The following SPAG16 variants were observed in gnomAD, a reference collection of about 807,000 sequenced individuals.
The protein encoded by SPAG16 is sperm-associated antigen 16 protein.
SPAG16 carries 86 observed loss-of-function variants against 80.4 expected under a neutral mutation model. That is an observed-to-expected ratio of 1.07 (90% CI 0.90 to 1.28). The LOEUF (loss-of-function observed/expected upper bound fraction) is 1.28, where lower values mean the gene tolerates loss of function less well. Ranked by LOEUF, SPAG16 falls within the 50% of genes most tolerant of loss-of-function variation. The probability of loss-of-function intolerance (pLI) is 0.00; values close to 1 mark genes in which losing one functional copy is unlikely to be tolerated. For missense variants in SPAG16, 870 were observed against 765.3 expected, an observed-to-expected ratio of 1.14 and a Z score of -1.61; for synonymous variants, 294 against 265.9, an observed-to-expected ratio of 1.11 and a Z score of -1.03.
chr2:213,523,585 G>A (rs1166548862), intron 10 of SPAG16, among the ~76,000 whole-genome samples: 1 of 152,144 alleles, frequency 6.6e-6, no homozygotes, highest in African/African-American at 2.4e-5. Flanking sequence ...GACTTGGAGG[G>A]CTTAGAAAAC....
At chr2:214,369,868 A>G (rs1028044368) in intron 15 of SPAG16, among the ~76,000 whole-genome samples, 1 of 152,104 alleles carries the variant, frequency 6.6e-6, no homozygotes, top group African/African-American at 2.4e-5. Context: ...TCTGGCATTA[A>G]TAATCTCTCA....
intron 10 of SPAG16, among the ~76,000 whole-genome samples, chr2:213,521,739 GAGTTCACAAT>G: frequency 6.6e-6 from 1 of 152,294 alleles, no homozygotes; most frequent in South Asian, 2.1e-4. Context: ...GTGGTCTGAA[GAGTTCACAAT>G]AGTCATGTTT....
At chr2:213,426,203 T>C (rs1461851113) in intron 9 of SPAG16, among the ~76,000 whole-genome samples, 1 of 152,198 alleles carries the variant, frequency 6.6e-6, no homozygotes, top group East Asian at 1.9e-4. Flanking sequence ...TCTTGTCTTG[T>C]ACATTGCAAA....
intron 10 of SPAG16, among the ~76,000 whole-genome samples, chr2:213,805,748 A>G (rs956034913): frequency 2.6e-5 from 4 of 152,214 alleles, no homozygotes; most frequent in African/African-American, 9.6e-5. Flanking sequence ...AATTTCTTAA[A>G]GAGAAGATCC....
At chr2:214,198,914 C>T (rs2057927689) in intron 15 of SPAG16, among the ~76,000 whole-genome samples, 1 of 151,792 alleles carries the variant, frequency 6.6e-6, no homozygotes, top group African/African-American at 2.4e-5. Flanking sequence ...TTTGAGAACT[C>T]TCTATTCATG....
In SPAG16 at chr2:213,402,654, C is replaced by T. The variant is rs1292415350; in HGVS notation, c.942+27535C>T. ...ATGTGTTCTCATTGTTCAATTCCCA[C>T]TTATGAGTGAGAACATGCGGTGTTT... On this transcript the variant is annotated intron_variant, in intron 9 of 15. Transcript: ENST00000331683. Among the ~76,000 whole-genome samples the T allele has an allele frequency of 3.3e-5, 5 of 151,698 alleles. No homozygotes were observed. The South Asian group carries it at 1.1e-3, about 32-fold the overall frequency.
At chr2:214,384,367 C>T (rs1216652535) in intron 15 of SPAG16, among the ~76,000 whole-genome samples, 2 of 152,122 alleles carry the variant, frequency 1.3e-5, no homozygotes, top group Non-Finnish European at 2.9e-5. Context: ...TACAGATAAT[C>T]CTGTGAAACA....
intron 15 of SPAG16, among the ~76,000 whole-genome samples, chr2:214,279,128 C>T (rs1269666651): frequency 3.5e-5 from 5 of 144,734 alleles, no homozygotes; most frequent in African/African-American, 1.0e-4. Flanking sequence ...TTTTGAGTCT[C>T]GCTCTGTCTT....
intron 15 of SPAG16, among the ~76,000 whole-genome samples, chr2:214,228,713 A>G (rs13011112): frequency 0.14 from 21,383 of 151,832 alleles, 1,618 homozygotes; most frequent in African/African-American, 0.2. Context: ...GAAAAGGTAA[A>G]GTTGCACAAC....
chr2:213,535,772 G>C (rs541205538), intron 10 of SPAG16, among the ~76,000 whole-genome samples: 249 of 152,192 alleles, frequency 1.6e-3, no homozygotes, highest in African/African-American at 5.4e-3. Context: ...TAAGAGTGCA[G>C]GCTAACAAAT....
chr2:213,527,422 G>A (rs2075927117), intron 10 of SPAG16, among the ~76,000 whole-genome samples: 1 of 152,038 alleles, frequency 6.6e-6, no homozygotes, highest in Admixed American at 6.6e-5. Flanking sequence ...TTAACCTTGT[G>A]GGATTTTTGT....
At chr2:213,302,529 TG>T (rs2062778953) in intron 3 of SPAG16, 1 of 152,114 alleles carries the variant, frequency 6.6e-6, no homozygotes, top group South Asian at 2.1e-4. Context: ...TCATGGTACC[TG>T]GTACATGGGA....
At chr2:213,542,236 A>G (rs2076470301) in intron 10 of SPAG16, among the ~76,000 whole-genome samples, 1 of 152,172 alleles carries the variant, frequency 6.6e-6, no homozygotes, top group Non-Finnish European at 1.5e-5. Flanking sequence ...TCTTTTGAAG[A>G]TGGTACTTGT....
Position 214,233,102 on chromosome 2 carries a change from T to C in SPAG16, c.1720+83836T>C, listed in dbSNP as rs75059992. ...TTATATCATTTAGAAGTACATACTA[T>C]AAAGAGCTTCACAGCAAGTCAAAAA... On this transcript the variant is annotated intron_variant, in intron 15 of 15. Coordinates refer to ENST00000331683, the MANE Select transcript of SPAG16 (RefSeq NM_024532.5). 3.3e-5 allele frequency among the ~76,000 whole-genome samples: 5 copies of C among 151,862 alleles called. No individual in the cohort carries two copies. The East Asian group carries it at 9.7e-4, about 29-fold the overall frequency.
intron 10 of SPAG16, among the ~76,000 whole-genome samples, chr2:213,677,365 G>T (rs907448797): frequency 3.9e-5 from 6 of 152,064 alleles, no homozygotes; most frequent in Non-Finnish European, 5.9e-5. Context: ...GTTGTATTTG[G>T]GAAACCCATC....
At chr2:213,329,454 TG>T (rs1166609335) in intron 5 of SPAG16, among the ~76,000 whole-genome samples, 5 of 152,164 alleles carry the variant, frequency 3.3e-5, no homozygotes, top group Non-Finnish European at 5.9e-5. Context: ...AAGAGACTGG[TG>T]ATATTTTGCC....
At chr2:213,627,349 G>A (rs1214134149) in intron 10 of SPAG16, among the ~76,000 whole-genome samples, 4 of 152,174 alleles carry the variant, frequency 2.6e-5, no homozygotes, top group African/African-American at 9.7e-5. Context: ...CTAAGAATCT[G>A]AAATCTAAAA....
intron 15 of SPAG16, among the ~76,000 whole-genome samples, chr2:214,389,037 A>G (rs2126123654): frequency 6.6e-6 from 1 of 152,286 alleles, no homozygotes; most frequent in Middle Eastern, 3.4e-3. Context: ...TCACCCTGAA[A>G]TCACTTAAAT....
At chr2:213,544,708 C>G (rs1437623749) in intron 10 of SPAG16, among the ~76,000 whole-genome samples, 9 of 152,076 alleles carry the variant, frequency 5.9e-5, no homozygotes. Flanking sequence ...CTGGCAAACA[C>G]TGATTTTCTT....
Sources: gnomAD v4.1 joint callset for allele counts (sites outside exome capture counted in the v4.1 genomes callset) on GRCh38, gnomAD v4.1.1 for gene constraint, MANE v1.5 for transcripts, NCBI Gene and HGNC (gene_info 2026-07-23, HGNC 2026-07-21) for gene names.